The following AP2B1 variants were observed in gnomAD, a reference collection of about 807,000 sequenced individuals.
AP2B1 encodes the protein adaptor related protein complex 2 subunit beta 1.
AP2B1 carries 23 observed loss-of-function variants against 102.0 expected under a neutral mutation model. That is an observed-to-expected ratio of 0.23 (90% confidence interval 0.16 to 0.32). The LOEUF is 0.32. AP2B1 is among the 10% of genes least tolerant of loss of function. The pLI is 1.00. For synonymous variants in AP2B1, 381 were observed against 421.2 expected, an observed-to-expected ratio of 0.90 and a Z score of 1.17; for missense variants, 541 against 1,157.4, an observed-to-expected ratio of 0.47 and a Z score of 7.73.
chr17:35,620,140 C>G (rs764703744), intron 5 of AP2B1, among the ~76,000 whole-genome samples: 1 of 152,066 alleles, frequency 6.6e-6, no homozygotes, highest in Non-Finnish European at 1.5e-5. Context: ...TGGATGCCAA[C>G]TTTTTATAAA....
chr17:35,717,243 A>G lies in AP2B1; in HGVS notation c.2675A>G (p.Lys892Arg). The change falls in exon 21 of 22, where the codon AAG becomes AGG. Residue 892 changes from lysine (K) to arginine (R), a missense_variant. Physicochemically the swap from Lys to Arg is conservative, Grantham distance 26. This residue lies in a region of AP2B1 where 117 missense variants were observed against 206.7 expected (regional missense o/e 0.57). Coordinates refer to ENST00000610402, the MANE Select transcript of AP2B1 (RefSeq NM_001030006.2). ...AACAACAATGTTTATACTATTGCCAAGAGGAATGTGGAAGGGCAGGACATG... is the reference window on the plus strand; with the variant it reads ...AACAACAATGTTTATACTATTGCCAGGAGGAATGTGGAAGGGCAGGACATG... The part of the protein sequence containing the change: ...LQNNNVYTIA[K>R]RNVEGQDMLY... 3 of 1,614,222 alleles carry G rather than the reference A, an allele frequency of 1.9e-6. No homozygotes were observed. Among genetic ancestry groups the G allele is most frequent in the Non-Finnish European group, 2.5e-6 (3 of 1,180,018 alleles).
At chr17:35,631,823 A>G (rs2074470458) in intron 9 of AP2B1, among the ~76,000 whole-genome samples, 1 of 152,180 alleles carries the variant, frequency 6.6e-6, no homozygotes, top group Non-Finnish European at 1.5e-5. Flanking sequence ...CTTATTAGCC[A>G]TTTGGGAATT....
At chr17:35,624,828 T>C (rs1366078248) in intron 6 of AP2B1, among the ~76,000 whole-genome samples, 2 of 152,154 alleles carry the variant, frequency 1.3e-5, no homozygotes, top group African/African-American at 2.4e-5. Flanking sequence ...TCTTTTATCG[T>C]CTTACGTCTC....
intron 14 of AP2B1, among the ~76,000 whole-genome samples, chr17:35,663,240 AACC>A (rs2075395276): frequency 6.6e-6 from 1 of 152,174 alleles, no homozygotes; most frequent in South Asian, 2.1e-4. Flanking sequence ...AGGCTTCCAT[AACC>A]ACCATCTTTG....
chr17:35,591,356 A>G (rs1238627237), intron 1 of AP2B1, among the ~76,000 whole-genome samples: 1 of 152,008 alleles, frequency 6.6e-6, no homozygotes, highest in African/African-American at 2.4e-5. Flanking sequence ...TATTTTTATT[A>G]GAGACGGAGT....
chr17:35,623,094 T>C (rs902540271), intron 5 of AP2B1, among the ~76,000 whole-genome samples: 1 of 87,074 alleles, frequency 1.1e-5, no homozygotes, highest in African/African-American at 3.9e-5. Flanking sequence ...TTTGTATGTA[T>C]GCATTTTTTT....
chr17:35,649,588 A>G (rs934883917), intron 12 of AP2B1, among the ~76,000 whole-genome samples: 4 of 152,180 alleles, frequency 2.6e-5, no homozygotes, highest in Non-Finnish European at 5.9e-5. Context: ...AAAAATTTTT[A>G]TGTCCTAAGG....
At chr17:35,688,147 T>C (rs587599189) in intron 18 of AP2B1, among the ~76,000 whole-genome samples, 6 of 152,320 alleles carry the variant, frequency 3.9e-5, no homozygotes, top group African/African-American at 1.4e-4. Flanking sequence ...ATCAGCTCTC[T>C]CCTACTCAGG....
chr17:35,677,315 A>C (rs2075723509), intron 17 of AP2B1, among the ~76,000 whole-genome samples: 1 of 152,190 alleles, frequency 6.6e-6, no homozygotes, highest in Admixed American at 6.5e-5. Flanking sequence ...AGTCAGGTTC[A>C]TCAGTTTTTT....
intron 5 of AP2B1, among the ~76,000 whole-genome samples, chr17:35,615,029 A>G (rs978503688): frequency 1.3e-5 from 2 of 152,152 alleles, no homozygotes; most frequent in Non-Finnish European, 2.9e-5. Context: ...GGTAGAGTCC[A>G]GGGATGTTTT....
chr17:35,723,945 T>TA lies in AP2B1; in HGVS notation c.*247dup, dbSNP rs2085475470. 1 of 420,590 alleles carries TA rather than the reference T, an allele frequency of 2.4e-6. No individual in the cohort carries two copies. The highest frequency in any genetic ancestry group is 3.6e-5 in the Admixed American group (1 of 27,526). 26.1% of individuals were successfully genotyped at this position (420,590 alleles called of 1,614,324 possible). Reference sequence around the variant, plus strand: ...GCCACCTGCTGCTGCTATCTGTCCTTACTTGTGGGCTTCTCCATGCTGTGC... The same window carrying TA: ...GCCACCTGCTGCTGCTATCTGTCCTTAACTTGTGGGCTTCTCCATGCTGTGC... On this transcript the variant is annotated 3_prime_UTR_variant, in exon 22 of 22. Transcript: ENST00000610402.
chr17:35,625,323 C>T (rs1239500845), intron 6 of AP2B1, among the ~76,000 whole-genome samples: 1 of 152,176 alleles, frequency 6.6e-6, no homozygotes, highest in African/African-American at 2.4e-5. Context: ...CTGGCTGAAG[C>T]TGATTTCCAA....
intron 5 of AP2B1, among the ~76,000 whole-genome samples, chr17:35,619,521 A>C (rs1262099510): frequency 6.6e-6 from 1 of 152,092 alleles, no homozygotes; most frequent in Non-Finnish European, 1.5e-5. Flanking sequence ...CCACAGGTCC[A>C]TAAGGAAATA....
intron 18 of AP2B1, among the ~76,000 whole-genome samples, chr17:35,700,636 C>T (rs958725374): frequency 2.0e-5 from 3 of 152,036 alleles, no homozygotes; most frequent in African/African-American, 7.2e-5. Context: ...TCATGTTATA[C>T]CTTTTTATAG....
chr17:35,697,771 G>A (rs1346430277), intron 18 of AP2B1, among the ~76,000 whole-genome samples: 1 of 152,108 alleles, frequency 6.6e-6, no homozygotes, highest in African/African-American at 2.4e-5. Flanking sequence ...AGACCAGCCT[G>A]GCCAACATGG....
In AP2B1 at chr17:35,608,323, A is replaced by G; in HGVS notation, c.461A>G (p.Gln154Arg). The change falls in exon 5 of 22, where the codon CAA becomes CGA. Residue 154 changes from glutamine to arginine, a missense_variant. Physicochemically the swap from Gln to Arg is conservative, Grantham distance 43. Coordinates refer to ENST00000610402, the MANE Select transcript of AP2B1 (RefSeq NM_001030006.2). The stretch of plus-strand genomic sequence containing the variant: ...GCAAAACTCCATGATATCAATGCCC[A>G]AATGGTGGAAGATCAGGGATTTCTG... The part of the protein sequence containing the change: ...CVAKLHDINA[Q>R]MVEDQGFLDS... The G allele has an allele frequency of 6.2e-7, 1 of 1,614,222 alleles. No homozygotes were observed. Among genetic ancestry groups the G allele is most frequent in the Non-Finnish European group, 8.5e-7 (1 of 1,180,038 alleles).
intron 14 of AP2B1, among the ~76,000 whole-genome samples, chr17:35,662,959 A>C (rs1257786236): frequency 6.6e-6 from 1 of 152,098 alleles, no homozygotes; most frequent in Non-Finnish European, 1.5e-5. Context: ...AGTGGTATGG[A>C]ATTGAAGAGA....
intron 18 of AP2B1, among the ~76,000 whole-genome samples, chr17:35,698,538 TC>T (rs2076183114): frequency 6.6e-6 from 1 of 152,180 alleles, no homozygotes; most frequent in Non-Finnish European, 1.5e-5. Context: ...GGTCTGAAAC[TC>T]CTGGGCTCAA....
chr17:35,664,911 G>A (rs2142919900), intron 14 of AP2B1, among the ~76,000 whole-genome samples: 1 of 152,180 alleles, frequency 6.6e-6, no homozygotes, highest in East Asian at 1.9e-4. Context: ...TCTTACATCA[G>A]GAAGTAATCC....
Sources: allele counts gnomAD v4.1 joint callset (sites outside exome capture counted in the v4.1 genomes callset), GRCh38; gene constraint gnomAD v4.1.1; regional missense constraint gnomAD v4.1.1; transcripts MANE v1.5; gene names NCBI Gene and HGNC (gene_info 2026-07-23, HGNC 2026-07-21).